The following MARCO variants were observed in gnomAD, a reference collection of about 807,000 sequenced individuals.
MARCO encodes the protein macrophage receptor with collagenous structure.
In MARCO, 72 loss-of-function variants were observed where a neutral mutation model predicts 70.0. That is an observed-to-expected ratio of 1.03 (90% CI 0.85 to 1.25). The LOEUF is 1.25. MARCO is among the 50% of genes most tolerant of loss of function. MARCO has a pLI of 0.00. For synonymous variants in MARCO, 273 were observed against 243.1 expected, an observed-to-expected ratio of 1.12 and a Z score of -1.14; for missense variants, 696 against 659.3, an observed-to-expected ratio of 1.06 and a Z score of -0.61.
intron 1 of MARCO, among the ~76,000 whole-genome samples, chr2:118,962,645 G>A (rs1371787146): frequency 6.6e-6 from 1 of 152,046 alleles, no homozygotes; most frequent in East Asian, 1.9e-4. Context: ...GAATTAGAAA[G>A]TGTTTCTTCC....
chr2:118,967,753 G>A (rs1179485506), intron 1 of MARCO, among the ~76,000 whole-genome samples: 1 of 152,164 alleles, frequency 6.6e-6, no homozygotes, highest in Non-Finnish European at 1.5e-5. Flanking sequence ...GGAGCTGCAG[G>A]TGATAGGAAA....
intron 6 of MARCO, 68 bp downstream of exon 6, chr2:118,974,633 CA>C: frequency 1.4e-6 from 2 of 1,458,430 alleles, no homozygotes; most frequent in Non-Finnish European, 1.9e-6. Flanking sequence ...CTGTGGGCTG[CA>C]GACGCAGCCT....
Position 118,993,041 on chromosome 2 carries a change from C to G in MARCO, c.1253-83C>G. The G allele has an allele frequency of 6.5e-6, 8 of 1,235,750 alleles. No homozygotes were observed. In the South Asian group the frequency reaches 1.1e-4, roughly 17 times the overall value. 76.5% of individuals were successfully genotyped at this position (1,235,750 alleles called of 1,614,324 possible). On this transcript the variant is annotated intron_variant, in intron 15 of 16. Transcript: ENST00000327097. The stretch of plus-strand genomic sequence containing the variant: ...ATTTCTTTTCCTTAACTGTAGAACT[C>G]CAAAATGAAAAGAAAGAGCCCGCAC...
At chr2:118,991,910 G>A in intron 14 of MARCO, 35 bp downstream of exon 14, 1 of 1,441,470 alleles carries the variant, frequency 6.9e-7, no homozygotes, top group Non-Finnish European at 9.6e-7. Context: ...TTGTTCTTAG[G>A]ACTGTGCTTT....
chr2:118,984,377 G>A (rs1306904746), intron 12 of MARCO, among the ~76,000 whole-genome samples: 5 of 152,162 alleles, frequency 3.3e-5, no homozygotes, highest in South Asian at 2.1e-4. Flanking sequence ...CATCCTCATC[G>A]AGACCTTTTA....
At chr2:118,990,835 G>T (rs1680608348) in intron 13 of MARCO, among the ~76,000 whole-genome samples, 1 of 152,132 alleles carries the variant, frequency 6.6e-6, no homozygotes, top group Non-Finnish European at 1.5e-5. Flanking sequence ...ATCCTGAGGG[G>T]TGTAGCGTAT....
intron 1 of MARCO, among the ~76,000 whole-genome samples, chr2:118,954,048 C>G (rs180857123): frequency 3.9e-5 from 6 of 152,182 alleles, no homozygotes; most frequent in African/African-American, 1.4e-4. Context: ...ACAATTTGAA[C>G]AGGGTGAGAA....
intron 12 of MARCO, among the ~76,000 whole-genome samples, chr2:118,989,223 T>C (rs1055405186): frequency 6.6e-6 from 1 of 152,206 alleles, no homozygotes; most frequent in African/African-American, 2.4e-5. Context: ...ACCAAAGCAG[T>C]GAGGCATTCT....
At chr2:118,983,170 C>T (rs1680427021) in intron 12 of MARCO, among the ~76,000 whole-genome samples, 1 of 152,184 alleles carries the variant, frequency 6.6e-6, no homozygotes, top group Non-Finnish European at 1.5e-5. Context: ...CAAGAGCGGG[C>T]AGGAGGGGCA....
intron 1 of MARCO, among the ~76,000 whole-genome samples, chr2:118,954,088 C>T (rs750785232): frequency 6.6e-5 from 10 of 152,160 alleles, no homozygotes; most frequent in Admixed American, 2.0e-4. Flanking sequence ...GGGGAGGGTG[C>T]GAATCCAGCT....
intron 1 of MARCO, among the ~76,000 whole-genome samples, chr2:118,962,780 T>A (rs1308149533): frequency 6.6e-6 from 1 of 152,118 alleles, no homozygotes; most frequent in Admixed American, 6.5e-5. Context: ...AAATTTAGAT[T>A]TATTTAATGA....
At chr2:118,957,354 A>G (rs1033334517) in intron 1 of MARCO, among the ~76,000 whole-genome samples, 6 of 152,118 alleles carry the variant, frequency 3.9e-5, no homozygotes, top group South Asian at 2.1e-4. Context: ...GCTACTATGA[A>G]TAATACCTTT....
At chr2:118,947,303 T>C (rs1479310491) in intron 1 of MARCO, among the ~76,000 whole-genome samples, 1 of 152,178 alleles carries the variant, frequency 6.6e-6, no homozygotes, top group Admixed American at 6.5e-5. Flanking sequence ...ATTATTTTTA[T>C]TTTTATATGT....
chr2:118,964,844 T>C (rs898350816), intron 1 of MARCO, among the ~76,000 whole-genome samples: 4 of 148,700 alleles, frequency 2.7e-5, no homozygotes, highest in Non-Finnish European at 5.9e-5. Flanking sequence ...GCAGAGATCA[T>C]GCCAGTACAC....
At chr2:118,961,280 G>C (rs1182473452) in intron 1 of MARCO, among the ~76,000 whole-genome samples, 1 of 152,128 alleles carries the variant, frequency 6.6e-6, no homozygotes, top group Non-Finnish European at 1.5e-5. Context: ...CTAGATCTTT[G>C]AGGAAACACC....
chr2:118,967,814 CT>C (rs1240018469), intron 1 of MARCO, among the ~76,000 whole-genome samples: 1 of 152,162 alleles, frequency 6.6e-6, no homozygotes, highest in African/African-American at 2.4e-5. Flanking sequence ...CCACCTGCCC[CT>C]ATCACAAAAG....
chr2:118,981,688 A>T, intron 10 of MARCO, 32 bp downstream of exon 10: 4 of 1,605,178 alleles, frequency 2.5e-6, no homozygotes, highest in Non-Finnish European at 3.4e-6. Flanking sequence ...GCATCATCCC[A>T]GCTACGACTG....
chr2:118,969,088 G>A (rs1267228625), intron 1 of MARCO, 72 bp from the exon 2 acceptor site: 2 of 1,087,320 alleles, frequency 1.8e-6, no homozygotes, highest in Non-Finnish European at 2.8e-6. Context: ...ATGGAGTAGG[G>A]CCTGGAGCAG....
In MARCO at chr2:118,982,210, G is replaced by T. The variant is rs147907250; in HGVS notation, c.956G>T (p.Gly319Val). The change falls in exon 11 of 17, where the codon GGT (glycine) becomes GTT (valine). Residue 319 changes from glycine (G) to valine (V), a missense_variant. Around this residue, in one of 3 missense-constraint regions of MARCO, gnomAD observed 605 missense variants for 537.6 expected, o/e 1.13. Transcript: ENST00000327097. ...PGPPGAVGHP[G>V]AKGEPGSAGS... ...CCTCCTGGTGCAGTGGGACACCCAGGTGCCAAGGGTGAGCCTGGCAGTGCT... is the reference window on the plus strand; with the variant it reads ...CCTCCTGGTGCAGTGGGACACCCAGTTGCCAAGGGTGAGCCTGGCAGTGCT... 4.9e-4 allele frequency: 794 copies of T among 1,613,290 alleles called. 3 individuals carry two copies. The highest frequency in any genetic ancestry group is 6.1e-4 in the Non-Finnish European group (718 of 1,179,498).
Sources: gnomAD v4.1 joint callset for allele counts (sites outside exome capture counted in the v4.1 genomes callset) on GRCh38, gnomAD v4.1.1 for gene constraint, gnomAD v4.1.1 regional missense constraint, MANE v1.5 for transcripts, NCBI Gene and HGNC (gene_info 2026-07-23, HGNC 2026-07-21) for gene names.